The following TEC variants were observed in gnomAD, a reference collection of about 807,000 sequenced individuals.
TEC encodes tec protein tyrosine kinase.
In TEC, 72 loss-of-function variants were observed where a neutral mutation model predicts 93.0. The ratio of observed to expected loss-of-function variants is 0.77; its 90% CI spans 0.64 to 0.94. The LOEUF (loss-of-function observed/expected upper bound fraction) is 0.94. Among genes scored for constraint, TEC ranks in the 40% least tolerant of loss-of-function variants. TEC has a pLI of 0.00. For missense variants in TEC, 630 were observed against 757.9 expected (o/e 0.83, Z 1.98); for synonymous variants, 249 against 247.7 (o/e 1.01, Z -0.05).
Position 48,136,260 on chromosome 4 carries a change from G to A in TEC, c.*1156C>T, listed in dbSNP as rs1719413934. 1 of 152,242 alleles carries A rather than the reference G, an allele frequency of 6.6e-6. No individual in the cohort carries two copies. The allele number at this position is 152,242 out of a possible 1,614,324, so 9.4% of individuals were successfully genotyped here. A position where few individuals can be genotyped will look rare whatever the true frequency, so the allele number is the denominator to read the frequency against. On this transcript the variant is annotated 3_prime_UTR_variant, in exon 18 of 18. Transcript: ENST00000381501. Reference sequence around the variant, plus strand: ...GTCTTGACAGCAGGGTCTCCTGAGAGGCTGTACAACAATCCCACCATCCAG... The same window carrying A: ...GTCTTGACAGCAGGGTCTCCTGAGAAGCTGTACAACAATCCCACCATCCAG...
intron 2 of TEC, among the ~76,000 whole-genome samples, chr4:48,203,130 G>A (rs1308786862): frequency 2.6e-5 from 4 of 152,166 alleles, no homozygotes; most frequent in African/African-American, 9.7e-5. Context: ...TTGGGAGGCT[G>A]AGGCAGGGGG....
intron 1 of TEC, among the ~76,000 whole-genome samples, chr4:48,265,410 T>C (rs1347934864): frequency 6.8e-6 from 1 of 146,120 alleles, no homozygotes; most frequent in Non-Finnish European, 1.5e-5. Flanking sequence ...TGTATATATA[T>C]ACACACACAT....
At chr4:48,211,418 T>A (rs549043443) in intron 2 of TEC, among the ~76,000 whole-genome samples, 42 of 25,982 alleles carry the variant, frequency 1.6e-3, no homozygotes, top group African/African-American at 3.2e-3. Context: ...TCAAAAAAAA[T>A]TTTTTTAATT....
At chr4:48,236,203 A>G (rs1338104707) in intron 1 of TEC, among the ~76,000 whole-genome samples, 1 of 152,220 alleles carries the variant, frequency 6.6e-6, no homozygotes, top group Non-Finnish European at 1.5e-5. Context: ...TGATGTTCTA[A>G]ATTTTAAAAT....
intron 8 of TEC, among the ~76,000 whole-genome samples, chr4:48,162,223 G>C (rs1347839808): frequency 6.6e-6 from 1 of 152,198 alleles, no homozygotes; most frequent in Non-Finnish European, 1.5e-5. Flanking sequence ...TGGTACAAAG[G>C]CCATGTGGAT....
chr4:48,178,740 G>A (rs181594042), intron 2 of TEC, among the ~76,000 whole-genome samples: 1 of 152,232 alleles, frequency 6.6e-6, no homozygotes, highest in East Asian at 1.9e-4. Flanking sequence ...TCTGCTAAGG[G>A]CTTCTCCCAC....
intron 1 of TEC, among the ~76,000 whole-genome samples, chr4:48,251,918 T>C (rs1410900041): frequency 2.0e-5 from 3 of 152,068 alleles, no homozygotes; most frequent in Non-Finnish European, 4.4e-5. Context: ...TGACATAGAA[T>C]AAACAAATCA....
intron 2 of TEC, among the ~76,000 whole-genome samples, chr4:48,219,633 TTC>T (rs374194072): frequency 7.2e-4 from 108 of 149,148 alleles, no homozygotes; most frequent in Admixed American, 7.3e-4. Context: ...GTATGCTGCC[TTC>T]TCTCTCTCTC....
At chr4:48,268,737 G>A (rs1377568311) in intron 1 of TEC, among the ~76,000 whole-genome samples, 1 of 152,164 alleles carries the variant, frequency 6.6e-6, no homozygotes, top group Non-Finnish European at 1.5e-5. Context: ...AGAGGAAAAT[G>A]AGCATTCACT....
At chr4:48,167,998 A>C (rs1436020736) in intron 6 of TEC, 45 bp from the exon 7 acceptor site, 3 of 1,574,548 alleles carry the variant, frequency 1.9e-6, no homozygotes, top group Non-Finnish European at 2.6e-6. Context: ...TTCTATATGA[A>C]ACTGATCATG....
At chr4:48,155,275 C>T (rs1430284299) in intron 9 of TEC, among the ~76,000 whole-genome samples, 1 of 152,200 alleles carries the variant, frequency 6.6e-6, no homozygotes, top group Non-Finnish European at 1.5e-5. Context: ...GTAAATCTGC[C>T]TTTCAAGCAA....
intron 2 of TEC, among the ~76,000 whole-genome samples, chr4:48,224,879 G>A (rs566217235): frequency 7.9e-5 from 12 of 152,270 alleles, no homozygotes; most frequent in African/African-American, 2.2e-4. Flanking sequence ...GAAGATGGAC[G>A]TCTTCTGTCT....
At chr4:48,244,535 C>G (rs1560423471) in intron 1 of TEC, among the ~76,000 whole-genome samples, 1 of 152,248 alleles carries the variant, frequency 6.6e-6, no homozygotes, top group Non-Finnish European at 1.5e-5. Flanking sequence ...GTCCCTCCCA[C>G]AACACGTGGG....
At chr4:48,165,959 G>A (rs915751130) in intron 7 of TEC, among the ~76,000 whole-genome samples, 5 of 152,184 alleles carry the variant, frequency 3.3e-5, no homozygotes, top group Non-Finnish European at 7.3e-5. Context: ...GCAAAAGTGC[G>A]TGTTCCCTCT....
At chr4:48,228,151 C>A (rs963166862) in intron 2 of TEC, among the ~76,000 whole-genome samples, 17 of 152,250 alleles carry the variant, frequency 1.1e-4, no homozygotes, top group African/African-American at 3.6e-4. Context: ...GACTTGGATA[C>A]AATTTATATT....
At chr4:48,220,493 G>A (rs1723225295) in intron 2 of TEC, among the ~76,000 whole-genome samples, 1 of 151,850 alleles carries the variant, frequency 6.6e-6, no homozygotes, top group Non-Finnish European at 1.5e-5. Context: ...AAAGAGTATG[G>A]CATCTCTCTT....
chr4:48,257,166 A>G (rs1724365917), intron 1 of TEC, among the ~76,000 whole-genome samples: 1 of 152,190 alleles, frequency 6.6e-6, no homozygotes, highest in South Asian at 2.1e-4. Context: ...ATATGATTAC[A>G]TGAAATTATA....
At chr4:48,163,020 A>ATT (rs369798763) in intron 8 of TEC, among the ~76,000 whole-genome samples, 51 of 149,664 alleles carry the variant, frequency 3.4e-4, no homozygotes, top group African/African-American at 1.1e-3. Context: ...ACGTTATCCC[A>ATT]TTTTTTTTTT....
intron 9 of TEC, among the ~76,000 whole-genome samples, chr4:48,152,760 G>A (rs2109519668): frequency 6.6e-6 from 1 of 152,252 alleles, no homozygotes; most frequent in East Asian, 1.9e-4. Flanking sequence ...GAGAGTCATG[G>A]AAGAATCCTG....
Sources: gnomAD v4.1 joint callset for allele counts (sites outside exome capture counted in the v4.1 genomes callset) on GRCh38, gnomAD v4.1.1 for gene constraint, MANE v1.5 for transcripts, NCBI Gene and HGNC (gene_info 2026-07-23, HGNC 2026-07-21) for gene names.